PDE12: variants seen among roughly 807,000 people sequenced by gnomAD.
PDE12 encodes phosphodiesterase 12.
In PDE12, 26 loss-of-function variants were observed where a neutral mutation model predicts 45.4. That is an observed-to-expected ratio of 0.57 (90% CI 0.42 to 0.79). The LOEUF is 0.79. PDE12 is among the 30% of genes least tolerant of loss of function. The pLI is 0.00. For missense variants in PDE12, 668 were observed against 790.0 expected, an observed-to-expected ratio of 0.85 and a Z score of 1.85; for synonymous variants, 283 against 323.9, an observed-to-expected ratio of 0.87 and a Z score of 1.36.
chr3:57,604,957 C>G, the PDE12 span, among the ~76,000 whole-genome samples: 1 of 152,092 alleles, frequency 6.6e-6, no homozygotes, highest in Non-Finnish European at 1.5e-5. Context: ...ATTGCTGGGA[C>G]TCTCACTTCT....
At chr3:57,624,941 C>T in the PDE12 span, among the ~76,000 whole-genome samples, 1 of 151,692 alleles carries the variant, frequency 6.6e-6, no homozygotes, top group African/African-American at 2.4e-5. Context: ...GCTCTGTCAC[C>T]CAGGCGGGAG....
chr3:57,585,463 C>G, the PDE12 span, among the ~76,000 whole-genome samples: 11 of 151,982 alleles, frequency 7.2e-5, no homozygotes, highest in Non-Finnish European at 1.6e-4. Flanking sequence ...AAAATGAAAA[C>G]CAAAGTCTGA....
the PDE12 span, among the ~76,000 whole-genome samples, chr3:57,595,501 A>G: frequency 6.6e-6 from 1 of 152,226 alleles, no homozygotes; most frequent in Non-Finnish European, 1.5e-5. Flanking sequence ...AAGAAAAAAT[A>G]CTTTATGAAT....
the PDE12 span, among the ~76,000 whole-genome samples, chr3:57,582,552 GT>G: frequency 6.1e-3 from 929 of 151,986 alleles, 31 homozygotes; most frequent in Admixed American, 0.049. Context: ...AAACATTCTC[GT>G]TTTTAAATAA....
chr3:57,572,303 A>G, the PDE12 span: 17 of 1,606,180 alleles, frequency 1.1e-5, no homozygotes, highest in Admixed American at 2.3e-4. Context: ...ATACCACTGT[A>G]AAGAGAAGAC....
At chr3:57,633,706 T>C in the PDE12 span, among the ~76,000 whole-genome samples, 1 of 152,128 alleles carries the variant, frequency 6.6e-6, no homozygotes, top group Non-Finnish European at 1.5e-5. Flanking sequence ...CTGGCCATCA[T>C]GGTGAAACCC....
chr3:57,618,609 T>TG, the PDE12 span, among the ~76,000 whole-genome samples: 1 of 111,826 alleles, frequency 8.9e-6, no homozygotes, highest in East Asian at 4.0e-4. Context: ...GCTTTTGTGT[T>TG]TTTTTTTTTT....
At chr3:57,583,799 T>G in the PDE12 span, 28 of 832,318 alleles carry the variant, frequency 3.4e-5, no homozygotes, top group African/African-American at 4.6e-4. Flanking sequence ...TGCCAACTCA[T>G]AGTAAACACC....
chr3:57,652,897 A>G, the PDE12 span, among the ~76,000 whole-genome samples: 4 of 152,240 alleles, frequency 2.6e-5, no homozygotes, highest in Admixed American at 2.6e-4. Context: ...ACTGAAGATG[A>G]CTAATGAGAT....
the PDE12 span, among the ~76,000 whole-genome samples, chr3:57,625,266 T>A: frequency 6.6e-6 from 1 of 152,208 alleles, no homozygotes; most frequent in Non-Finnish European, 1.5e-5. Flanking sequence ...TGAAGTCACT[T>A]AACTGATCTG....
chr3:57,630,842 T>C, the PDE12 span: 9 of 1,610,484 alleles, frequency 5.6e-6, no homozygotes, highest in East Asian at 4.5e-5. Flanking sequence ...ACAGGACATA[T>C]AATATTTAGA....
the PDE12 span, among the ~76,000 whole-genome samples, chr3:57,576,139 C>T: frequency 3.3e-5 from 5 of 149,658 alleles, no homozygotes; most frequent in Non-Finnish European, 7.4e-5. Flanking sequence ...ATGAAATATA[C>T]AAAAAAAAAG....
At chr3:57,646,307 TAG>T in the PDE12 span, 1 of 1,598,652 alleles carries the variant, frequency 6.3e-7, no homozygotes, top group Non-Finnish European at 8.5e-7. Flanking sequence ...AGTAACCAAA[TAG>T]ACTCACTTAA....
the PDE12 span, chr3:57,583,849 A>C: frequency 7.6e-7 from 1 of 1,309,728 alleles, no homozygotes; most frequent in South Asian, 1.3e-5. Context: ...AAAACTTTAG[A>C]GCATGAAACC....
chr3:57,571,407 TGAA>T (rs1435144109), downstream of PDE12: 1 of 152,256 alleles, frequency 6.6e-6, no homozygotes, highest in Non-Finnish European at 1.5e-5. Context: ...AAATGGGTTA[TGAA>T]GAAAATGTAT....
chr3:57,626,827 G>A, the PDE12 span: 1 of 152,224 alleles, frequency 6.6e-6, no homozygotes, highest in African/African-American at 2.4e-5. Flanking sequence ...AAACAAAACA[G>A]AAACAAAAAC....
chr3:57,603,651 T>A, the PDE12 span, among the ~76,000 whole-genome samples: 2 of 150,764 alleles, frequency 1.3e-5, no homozygotes, highest in South Asian at 4.3e-4. Context: ...AGATGAAGTT[T>A]CGCTCTTATT....
Position 57,560,150 on chromosome 3 carries a change from G to T in PDE12, c.*146G>T. On this transcript the variant is annotated 3_prime_UTR_variant, in exon 3 of 3. Transcript: ENST00000311180. ...GTTATGTTCCTGATGTCTTCGTTAT[G>T]AAACTGTTGATGTTTGCATCATACA... 2.1e-6 allele frequency: 3 copies of T among 1,417,092 alleles called. No individual in the cohort carries two copies. The highest frequency in any genetic ancestry group is 2.7e-6 in the Non-Finnish European group (3 of 1,091,424). 87.8% of individuals were successfully genotyped at this position (1,417,092 alleles called of 1,614,324 possible). A position where few individuals can be genotyped will look rare whatever the true frequency, so the allele number is the denominator to read the frequency against.
the PDE12 span, among the ~76,000 whole-genome samples, chr3:57,616,681 C>T: frequency 6.6e-6 from 1 of 152,268 alleles, no homozygotes; most frequent in Non-Finnish European, 1.5e-5. Flanking sequence ...AAACTTCCAA[C>T]TCATTCTGTG....
Sources: allele counts gnomAD v4.1 joint callset (sites outside exome capture counted in the v4.1 genomes callset), GRCh38; gene constraint gnomAD v4.1.1; transcripts MANE v1.5; gene names NCBI Gene and HGNC (gene_info 2026-07-23, HGNC 2026-07-21).